The following RABEP2 variants were observed in gnomAD, a reference collection of about 807,000 sequenced individuals.
RABEP2 encodes rab GTPase-binding effector protein 2.
RABEP2 carries 57 observed loss-of-function variants against 74.1 expected under a neutral mutation model. The ratio of observed to expected loss-of-function variants is 0.77; its 90% CI spans 0.62 to 0.96. RABEP2 has a LOEUF of 0.96. RABEP2 is among the 40% of genes least tolerant of loss of function. The pLI is 0.00. For synonymous variants in RABEP2, 351 were observed against 344.0 expected (o/e 1.02, Z -0.23); for missense variants, 692 against 756.3 (o/e 0.91, Z 1.00).
intron 11 of RABEP2, 28 bp downstream of exon 11, chr16:28,905,676 C>T (rs776830919): frequency 6.2e-7 from 1 of 1,611,734 alleles, no homozygotes; most frequent in East Asian, 2.2e-5. Context: ...GGTCCCTCTC[C>T]TCCCAGTCCC....
intron 2 of RABEP2, among the ~76,000 whole-genome samples, chr16:28,920,433 T>TG (rs1716906953): frequency 6.6e-6 from 1 of 151,412 alleles, no homozygotes; most frequent in Non-Finnish European, 1.5e-5. Flanking sequence ...TCACCCAGGC[T>TG]GGGGTGCAGT....
intron 12 of RABEP2, 29 bp downstream of exon 12, chr16:28,905,368 C>T: frequency 6.4e-7 from 1 of 1,558,358 alleles, no homozygotes; most frequent in African/African-American, 1.3e-5. Context: ...TGGAGCCAGC[C>T]AGCCTGGCGG....
intron 2 of RABEP2, chr16:28,924,019 T>G (rs1009269988): frequency 9.2e-5 from 25 of 270,910 alleles, no homozygotes; most frequent in African/African-American, 5.5e-4. Flanking sequence ...GAGCAGAGCA[T>G]TAGACTCACA....
intron 5 of RABEP2, among the ~76,000 whole-genome samples, chr16:28,911,675 G>T (rs1964316542): frequency 6.7e-6 from 1 of 149,226 alleles, no homozygotes. Context: ...AAAAAAAACA[G>T]GGCCAGGCAT....
chr16:28,924,020 T>G, intron 2 of RABEP2: 1 of 272,298 alleles, frequency 3.7e-6, no homozygotes. Flanking sequence ...AGCAGAGCAT[T>G]AGACTCACAG....
At chr16:28,908,812 C>T (rs1381960106) in intron 7 of RABEP2, 48 bp from the exon 8 acceptor site, 1 of 1,584,230 alleles carries the variant, frequency 6.3e-7, no homozygotes, top group Admixed American at 1.7e-5. Flanking sequence ...CAGGGCGTCT[C>T]CAGTCCCTAG....
Position 28,925,109 on chromosome 16 carries a change from CCGGCCGCCGCCGCCGCTCATCGTCGTCCG to C in RABEP2, c.26_54del (p.Ala9GlyfsTer16), listed in dbSNP as rs1347184430. On this transcript the variant is annotated frameshift_variant, in exon 1 of 13. Coordinates refer to ENST00000358201, the MANE Select transcript of RABEP2 (RefSeq NM_024816.3). LOFTEE classifies it high-confidence loss of function. ...CGGACGCCCCCTCACGTACCAGCCC[CCGGCCGCCGCCGCCGCTCATCGTCGTCCG>C]CGGCCACCGGCGCAGCTGCCGCCAT... is the stretch of plus-strand genomic sequence containing the variant. 1.3e-6 allele frequency: 2 copies of C among 1,538,730 alleles called. No individual in the cohort carries two copies. Among genetic ancestry groups the C allele is most frequent in the Admixed American group, 3.9e-5 (2 of 51,598 alleles).
At chr16:28,921,989 A>G (rs891011502) in intron 2 of RABEP2, among the ~76,000 whole-genome samples, 1 of 151,950 alleles carries the variant, frequency 6.6e-6, no homozygotes. Context: ...CAAAAAAAAG[A>G]GAGTCAGGGT....
At chr16:28,911,556 C>T (rs974645292) in intron 5 of RABEP2, among the ~76,000 whole-genome samples, 3 of 149,122 alleles carry the variant, frequency 2.0e-5, no homozygotes, top group Admixed American at 1.3e-4. Context: ...CTCAGCTACT[C>T]GGGAAACTGA....
intron 12 of RABEP2, 148 bp downstream of exon 12, chr16:28,905,249 G>C (rs1964207081): frequency 4.3e-6 from 3 of 697,594 alleles, no homozygotes; most frequent in African/African-American, 1.8e-5. Context: ...AGAGTTTCAG[G>C]GTTTTTTGAG....
chr16:28,919,766 G>T lies in RABEP2; in HGVS notation c.432+20C>A, dbSNP rs772814956. 1.9e-6 allele frequency: 3 copies of T among 1,591,130 alleles called. No individual in the cohort carries two copies. The highest frequency in any genetic ancestry group is 2.6e-6 in the Non-Finnish European group (3 of 1,164,246). On this transcript the variant is annotated intron_variant, in intron 3 of 12. Transcript: ENST00000358201. ...TTCTTCCAAATCCCAGGGCAGCAGG[G>T]AAGCCATCCCAATCCCAACCTTTTC...
At chr16:28,925,032 C>A in intron 1 of RABEP2, 71 bp downstream of exon 1, 1 of 1,450,580 alleles carries the variant, frequency 6.9e-7, no homozygotes, top group Non-Finnish European at 9.4e-7. Context: ...CACCCCCCAT[C>A]CGCAGGTGGC....
At chr16:28,914,635 C>A (rs777333571) in intron 4 of RABEP2, 37 bp downstream of exon 4, 1 of 1,610,902 alleles carries the variant, frequency 6.2e-7, no homozygotes, top group African/African-American at 1.3e-5. Context: ...TCCTCTGGCA[C>A]CCCTCCTTCC....
Position 28,924,522 on chromosome 16 carries a change from G to A in RABEP2, c.155C>T (p.Ala52Val), listed in dbSNP as rs1283909697. The A allele has an allele frequency of 1.2e-6, 2 of 1,613,866 alleles. No individual in the cohort carries two copies. Among genetic ancestry groups the A allele is most frequent in the Non-Finnish European group, 1.7e-6 (2 of 1,180,022 alleles). Residue 52 changes from alanine to valine, a missense_variant, in exon 2 of 13, where the codon GCA becomes GTA. Ala to Val is a moderately conservative substitution (Grantham distance 64, BLOSUM62 0). Coordinates refer to ENST00000358201, the MANE Select transcript of RABEP2 (RefSeq NM_024816.3). The part of the protein sequence containing the change: ...RLRAELAGAL[A>V]EMETMKAVAE... ...CACAGCCTTCATGGTTTCCATTTCT[G>A]CCAGGGCGCCTGCCAGCTCAGCCCG...
Position 28,904,929 on chromosome 16 carries a change from G to C in RABEP2, c.*14C>G. 6.3e-7 allele frequency: 1 copy of C among 1,591,376 alleles called. No individual in the cohort carries two copies. The highest frequency in any genetic ancestry group is 8.6e-7 in the Non-Finnish European group (1 of 1,161,210). On this transcript the variant is annotated 3_prime_UTR_variant, in exon 13 of 13. Coordinates refer to ENST00000358201, the MANE Select transcript of RABEP2 (RefSeq NM_024816.3). ...GCGTCTTTCCCAGGGTGGGGGTGGG[G>C]ATATCCTGACCCCTCAGGTGTCCTT...
intron 7 of RABEP2, among the ~76,000 whole-genome samples, chr16:28,909,133 A>G (rs918727069): frequency 6.6e-6 from 1 of 151,968 alleles, no homozygotes; most frequent in East Asian, 1.9e-4. Flanking sequence ...CTGGAGTGCA[A>G]TAGAGTGATC....
chr16:28,924,508 T>C lies in RABEP2; in HGVS notation c.169A>G (p.Met57Val), dbSNP rs944999755. The change falls in exon 2 of 13, where the codon ATG becomes GTG. Residue 57 changes from methionine to valine, a missense_variant. Transcript: ENST00000358201. Reference protein sequence around the residue: ...LAGALAEMETMKAVAEVSEST... With the variant: ...LAGALAEMETVKAVAEVSEST... ...TCGCTCACCTCTGCCACAGCCTTCA[T>C]GGTTTCCATTTCTGCCAGGGCGCCT... 1.4e-5 allele frequency: 22 copies of C among 1,613,944 alleles called. No individual in the cohort carries two copies. Among genetic ancestry groups the C allele is most frequent in the African/African-American group, 9.3e-5 (7 of 74,912 alleles).
chr16:28,905,954 T>A, intron 9 of RABEP2, 65 bp downstream of exon 9: 6 of 1,612,478 alleles, frequency 3.7e-6, no homozygotes, highest in Non-Finnish European at 5.1e-6. Context: ...TGGGCCCCGG[T>A]GGCTCCCTGC....
At chr16:28,917,579 C>A (rs1390089102) in intron 3 of RABEP2, among the ~76,000 whole-genome samples, 1 of 152,186 alleles carries the variant, frequency 6.6e-6, no homozygotes, top group Admixed American at 6.6e-5. Context: ...ACCACCATGC[C>A]TGGCTAATTT....
Sources: allele counts gnomAD v4.1 joint callset (sites outside exome capture counted in the v4.1 genomes callset), GRCh38; gene constraint gnomAD v4.1.1; transcripts MANE v1.5; gene names NCBI Gene and HGNC (gene_info 2026-07-23, HGNC 2026-07-21).